TRPM3: variants seen among roughly 807,000 people sequenced by gnomAD.
TRPM3 encodes the protein long transient receptor potential channel 3.
In TRPM3, 77 loss-of-function variants were observed where a neutral mutation model predicts 181.2. That is an observed-to-expected ratio of 0.42 (90% CI 0.35 to 0.51). TRPM3 has a LOEUF of 0.51. TRPM3 is among the 20% of genes least tolerant of loss of function. The probability of loss-of-function intolerance (pLI) is 0.01; values close to 1 mark genes in which losing one functional copy is unlikely to be tolerated. For synonymous variants in TRPM3, 745 were observed against 796.4 expected (o/e 0.94, Z 1.09); for missense variants, 1,759 against 2,196.7 (o/e 0.80, Z 3.98).
chr9:71,274,856 C>T (rs2084072140), intron 1 of TRPM3, among the ~76,000 whole-genome samples: 1 of 152,158 alleles, frequency 6.6e-6, no homozygotes, highest in Non-Finnish European at 1.5e-5. Flanking sequence ...TCTCCTTCAC[C>T]TCCAGTGATT....
Position 70,620,146 on chromosome 9 carries a change from C to T in TRPM3, c.2059G>A (p.Ala687Thr). 1 of 1,614,192 alleles carries T rather than the reference C, an allele frequency of 6.2e-7. No homozygotes were observed. Among genetic ancestry groups the T allele is most frequent in the Non-Finnish European group, 8.5e-7 (1 of 1,180,034 alleles). ...TTCTCAGAGGCCTCATGAGCCATGGCTTTGCAGAGCTTGCAGGCCACCAGG... is the reference window on the plus strand; with the variant it reads ...TTCTCAGAGGCCTCATGAGCCATGGTTTTGCAGAGCTTGCAGGCCACCAGG... ...KALVACKLCK[A>T]MAHEASENDM... The change falls in exon 16 of 26, where the codon GCC becomes ACC. Residue 687 changes from alanine (A) to threonine (T), a missense_variant. This residue lies in a region of TRPM3 where 737 missense variants were observed against 957.4 expected (regional missense o/e 0.77). Transcript: ENST00000677713.
chr9:70,793,397 A>T (rs2086033677), intron 6 of TRPM3, among the ~76,000 whole-genome samples: 1 of 149,726 alleles, frequency 6.7e-6, no homozygotes, highest in Admixed American at 6.7e-5. Flanking sequence ...TCGAGGCTGC[A>T]GTGAGCCCTG....
chr9:71,091,453 C>G (rs189610641), intron 1 of TRPM3, among the ~76,000 whole-genome samples: 3 of 152,112 alleles, frequency 2.0e-5, no homozygotes, highest in African/African-American at 7.2e-5. Flanking sequence ...CCCCTTACAA[C>G]AGTGGCTGTT....
chr9:70,670,969 A>C (rs1382704163), intron 9 of TRPM3, among the ~76,000 whole-genome samples: 2 of 152,192 alleles, frequency 1.3e-5, no homozygotes, highest in Non-Finnish European at 2.9e-5. Flanking sequence ...AATCTGAGCC[A>C]AAACCTGTTG....
At chr9:71,401,746 GA>G (rs2093344516) in intron 1 of TRPM3, among the ~76,000 whole-genome samples, 1 of 152,180 alleles carries the variant, frequency 6.6e-6, no homozygotes, top group Non-Finnish European at 1.5e-5. Context: ...GTGGTAACTA[GA>G]ATGGATGGGA....
intron 22 of TRPM3, among the ~76,000 whole-genome samples, chr9:70,583,614 A>G (rs543177304): frequency 6.6e-6 from 1 of 152,358 alleles, no homozygotes; most frequent in African/African-American, 2.4e-5. Context: ...GAAGGTGATG[A>G]ATGATGCTTC....
At chr9:71,082,138 C>A (rs571500951) in intron 1 of TRPM3, among the ~76,000 whole-genome samples, 2 of 152,160 alleles carry the variant, frequency 1.3e-5, no homozygotes, top group African/African-American at 2.4e-5. Flanking sequence ...AGTTATCAGT[C>A]GAATACTCTC....
rs536441099 is a variant in TRPM3, at chr9:71,075,957, C to A, written c.177+45221G>T. 3.3e-5 allele frequency among the ~76,000 whole-genome samples: 5 copies of A among 152,226 alleles called. No homozygotes were observed. In the East Asian group the frequency reaches 9.7e-4, roughly 29 times the overall value. ...AAATCACTGGTCATAGCAAAAGGACCAAACTTTAGTCCCAATCCTTGATTT... is the reference window on the plus strand; with the variant it reads ...AAATCACTGGTCATAGCAAAAGGACAAAACTTTAGTCCCAATCCTTGATTT... On this transcript the variant is annotated intron_variant, in intron 1 of 25. Transcript: ENST00000677713.
intron 1 of TRPM3, among the ~76,000 whole-genome samples, chr9:71,207,254 A>C (rs542217733): frequency 6.6e-6 from 1 of 152,278 alleles, no homozygotes; most frequent in East Asian, 1.9e-4. Flanking sequence ...TTCTGAGATA[A>C]ATAATACATC....
intron 3 of TRPM3, among the ~76,000 whole-genome samples, chr9:70,859,025 A>G (rs2095458290): frequency 6.6e-6 from 1 of 152,098 alleles, no homozygotes; most frequent in Non-Finnish European, 1.5e-5. Flanking sequence ...GCTGTGCTTC[A>G]TGGATGACTT....
chr9:71,044,935 T>C (rs2059258947), intron 1 of TRPM3, among the ~76,000 whole-genome samples: 1 of 152,186 alleles, frequency 6.6e-6, no homozygotes, highest in Non-Finnish European at 1.5e-5. Flanking sequence ...CCTCCCAAAG[T>C]GCTGGGATTA....
intron 1 of TRPM3, among the ~76,000 whole-genome samples, chr9:71,187,895 ATAGATAGATAG>A (rs1343742621): frequency 2.3e-5 from 1 of 43,190 alleles, no homozygotes; most frequent in Non-Finnish European, 4.5e-5. Flanking sequence ...CAGATGATAG[ATAGATAGATAG>A]ATAGATAGAT....
intron 1 of TRPM3, among the ~76,000 whole-genome samples, chr9:70,880,045 C>A (rs1486941912): frequency 6.6e-6 from 1 of 152,106 alleles, no homozygotes; most frequent in Admixed American, 6.6e-5. Context: ...TAAATCTCCA[C>A]CCTGCCTTCT....
chr9:70,759,771 G>A (rs1250865385), intron 8 of TRPM3, among the ~76,000 whole-genome samples: 4 of 152,096 alleles, frequency 2.6e-5, no homozygotes, highest in African/African-American at 9.7e-5. Context: ...CTCATAAGCT[G>A]GAGCTGAACA....
intron 1 of TRPM3, among the ~76,000 whole-genome samples, chr9:71,300,017 A>G (rs954723748): frequency 1.9e-4 from 29 of 152,168 alleles, no homozygotes; most frequent in African/African-American, 6.8e-4. Flanking sequence ...GCCAGATAGC[A>G]TAACCCATAT....
chr9:71,360,187 T>C (rs1055168455), intron 1 of TRPM3, among the ~76,000 whole-genome samples: 1 of 152,178 alleles, frequency 6.6e-6, no homozygotes, highest in Admixed American at 6.6e-5. Flanking sequence ...AAGCTCCTAC[T>C]GGATTACAGA....
chr9:70,748,352 T>C (rs2075547674), intron 8 of TRPM3, among the ~76,000 whole-genome samples: 1 of 152,164 alleles, frequency 6.6e-6, no homozygotes, highest in Non-Finnish European at 1.5e-5. Context: ...AACAGTGACC[T>C]AGCCCTTAAG....
At chr9:70,641,014 G>T (rs1233840267) in intron 9 of TRPM3, among the ~76,000 whole-genome samples, 1 of 152,000 alleles carries the variant, frequency 6.6e-6, no homozygotes, top group African/African-American at 2.4e-5. Flanking sequence ...TTAATAGCAC[G>T]CCTTGACTGA....
rs1366577241 is a variant in TRPM3 at position 70,834,866 on chromosome 9, AT to A, written c.802-6849del. On this transcript the variant is annotated intron_variant, in intron 5 of 25. Coordinates refer to ENST00000677713, the MANE Select transcript of TRPM3 (RefSeq NM_001366145.2). ...CCTCAGAAACTGTGAGATCATCAAT[AT>A]TTGTTGTTTAAGCCTGATATAGTTT... Among the ~76,000 whole-genome samples the A allele has an allele frequency of 6.6e-5, 10 of 152,114 alleles. No individual in the cohort carries two copies. In the East Asian group the frequency reaches 1.9e-3, roughly 29 times the overall value.
Sources: allele counts gnomAD v4.1 joint callset (sites outside exome capture counted in the v4.1 genomes callset), GRCh38; gene constraint gnomAD v4.1.1; regional missense constraint gnomAD v4.1.1; transcripts MANE v1.5; gene names NCBI Gene and HGNC (gene_info 2026-07-23, HGNC 2026-07-21).